Variants in AKNAD1 observed in about 807,000 individuals in gnomAD.
AKNAD1 encodes protein AKNAD1.
In AKNAD1, 67 loss-of-function variants were observed where a neutral mutation model predicts 90.8. That is an observed-to-expected ratio of 0.74 (90% CI 0.61 to 0.90). The LOEUF (loss-of-function observed/expected upper bound fraction) is 0.90. Ranked by LOEUF, AKNAD1 falls within the 40% of genes least tolerant of loss-of-function variation. The probability of loss-of-function intolerance (pLI) is 0.00; values close to 1 mark genes in which losing one functional copy is unlikely to be tolerated. For synonymous variants in AKNAD1, 327 were observed against 341.4 expected (o/e 0.96, Z 0.46); for missense variants, 957 against 975.4 (o/e 0.98, Z 0.25).
Position 108,852,714 on chromosome 1 carries a change from G to T in AKNAD1, c.-50C>A. 2 of 1,514,858 alleles carry T rather than the reference G, an allele frequency of 1.3e-6. No individual in the cohort carries two copies. The highest frequency in any genetic ancestry group is 1.8e-6 in the Non-Finnish European group (2 of 1,136,910). The allele number at this position is 1,514,858 out of a possible 1,614,324, so 93.8% of individuals were successfully genotyped here. On this transcript the variant is annotated 5_prime_UTR_variant, in exon 2 of 16. Transcript: ENST00000370001. ...TCCTCTGCCTCCTGAGCTGGCTGCTGTCAGTTGTAACAATAGCTCTGGTTC... is the reference window on the plus strand; with the variant it reads ...TCCTCTGCCTCCTGAGCTGGCTGCTTTCAGTTGTAACAATAGCTCTGGTTC...
intron 11 of AKNAD1, among the ~76,000 whole-genome samples, chr1:108,824,705 T>TTTTTG (rs1170012761): frequency 1.3e-5 from 2 of 151,610 alleles, no homozygotes; most frequent in East Asian, 2.0e-4. Context: ...TTCTGTGTTT[T>TTTTTG]TTTTGTTTTG....
chr1:108,830,541 G>GCCAC lies in AKNAD1; in HGVS notation c.1838+14_1838+17dup. On this transcript the variant is annotated intron_variant, in intron 10 of 15. Coordinates refer to ENST00000370001, the MANE Select transcript of AKNAD1 (RefSeq NM_152763.5). ...GACTCCAATCCACCCTGGGAATGTA[G>GCCAC]CCACAAGAAGCCCTCACCATTCAAG... The GCCAC allele has an allele frequency of 6.2e-7, 1 of 1,612,568 alleles. No individual in the cohort carries two copies. The highest frequency in any genetic ancestry group is 8.5e-7 in the Non-Finnish European group (1 of 1,179,022).
At chr1:108,818,528 C>T (rs536633008) in intron 14 of AKNAD1, among the ~76,000 whole-genome samples, 3 of 152,254 alleles carry the variant, frequency 2.0e-5, no homozygotes, top group South Asian at 4.1e-4. Flanking sequence ...TTATTATGAG[C>T]CTGGTACCAT....
chr1:108,852,658 C>T lies in AKNAD1; in HGVS notation c.7G>A (p.Glu3Lys), dbSNP rs138948369. Residue 3 changes from glutamate to lysine, a missense_variant, in exon 2 of 16, where the codon GAG (glutamate) becomes AAG (lysine). Physicochemically the swap from Glu to Lys is moderately conservative, Grantham distance 56. Coordinates refer to ENST00000370001, the MANE Select transcript of AKNAD1 (RefSeq NM_152763.5). MD[E>K]ADFSEHTTYK... ...GTCGTGTGTTCTGAAAAATCAGCCT[C>T]ATCCATGTGTGTGCAGCCCGATCGC... 669 of 1,576,882 alleles carry T rather than the reference C, an allele frequency of 4.2e-4. No individual in the cohort carries two copies. Among genetic ancestry groups the T allele is most frequent in the Non-Finnish European group, 5.5e-4 (639 of 1,163,458 alleles).
chr1:108,823,945 T>C (rs1479065706), intron 11 of AKNAD1, among the ~76,000 whole-genome samples: 1 of 152,206 alleles, frequency 6.6e-6, no homozygotes, highest in Non-Finnish European at 1.5e-5. Flanking sequence ...TTAGGCTTAG[T>C]AAAGGTCTGC....
At chr1:108,819,712 G>A (rs1056729815) in intron 14 of AKNAD1, among the ~76,000 whole-genome samples, 3 of 151,492 alleles carry the variant, frequency 2.0e-5, no homozygotes, top group African/African-American at 7.3e-5. Flanking sequence ...AGGAGTTTGA[G>A]ACTAGCCTGG....
At chr1:108,838,315 GATAGC>G (rs1034123405) in intron 6 of AKNAD1, among the ~76,000 whole-genome samples, 5 of 75,540 alleles carry the variant, frequency 6.6e-5, no homozygotes, top group African/African-American at 1.1e-4. Context: ...ACAACAAAAA[GATAGC>G]CCCCCCCCCA....
intron 2 of AKNAD1, among the ~76,000 whole-genome samples, chr1:108,850,359 A>G (rs1164005491): frequency 1.3e-5 from 2 of 152,176 alleles, no homozygotes; most frequent in East Asian, 3.9e-4. Flanking sequence ...TCGAACCCCC[A>G]TACCAGAGGG....
At position 108,816,035 on chromosome 1, in the gene AKNAD1, C is replaced by T; in HGVS notation, c.*136G>A. 1.2e-6 allele frequency: 1 copy of T among 867,550 alleles called. No homozygotes were observed. The highest frequency in any genetic ancestry group is 1.6e-6 in the Non-Finnish European group (1 of 615,068). The allele number at this position is 867,550 out of a possible 1,614,324, so 53.7% of individuals were successfully genotyped here. A position where few individuals can be genotyped will look rare whatever the true frequency, so the allele number is the denominator to read the frequency against. ...TTTTTCCTTTAAGTACTTTGTGTTA[C>T]CCATTTCTTATGGTTTCTGTGTTTT... On this transcript the variant is annotated 3_prime_UTR_variant, in exon 16 of 16. Transcript: ENST00000370001.
chr1:108,826,110 A>G (rs1663989157), intron 11 of AKNAD1, among the ~76,000 whole-genome samples: 1 of 151,736 alleles, frequency 6.6e-6, no homozygotes, highest in Admixed American at 6.6e-5. Context: ...ACTTTGTTAT[A>G]CCATCTGGCA....
rs143243588 is a variant in AKNAD1, at chr1:108,850,083, T to C, written c.994-507A>G. On this transcript the variant is annotated intron_variant, in intron 2 of 15. Transcript: ENST00000370001. Reference sequence around the variant, plus strand: ...ACTCTAGAGAATAACAGAGGATGCATTAAGTTCCAAACTGTGTGTCAAGAT... The same window carrying C: ...ACTCTAGAGAATAACAGAGGATGCACTAAGTTCCAAACTGTGTGTCAAGAT... Among the ~76,000 whole-genome samples the C allele has an allele frequency of 1.9e-3, 292 of 152,276 alleles. 1 individual carries two copies. The highest frequency in any genetic ancestry group is 6.5e-3 in the African/African-American group (271 of 41,570).
chr1:108,842,074 C>G (rs1664571256), intron 6 of AKNAD1, among the ~76,000 whole-genome samples: 1 of 152,066 alleles, frequency 6.6e-6, no homozygotes, highest in Admixed American at 6.6e-5. Context: ...ATAGCAGAAG[C>G]ATGCAGAGTT....
In AKNAD1 at chr1:108,843,211, G is replaced by C; in HGVS notation, c.1302C>G (p.Thr434=). The C allele has an allele frequency of 6.2e-7, 1 of 1,614,156 alleles. No homozygotes were observed. Among genetic ancestry groups the C allele is most frequent in the Non-Finnish European group, 8.5e-7 (1 of 1,180,028 alleles). The part of the protein sequence containing the change: ...LELLEQNFLA[T]KDKHLTLQQQ... ...GCTGCAAAGTCAGATGCTTGTCCTT[G>C]GTGGCCAGAAAGTTCTGCTCCAGCA... Residue 434 remains threonine (T), a synonymous_variant, in exon 6 of 16, where the codon ACC becomes ACG. Coordinates refer to ENST00000370001, the MANE Select transcript of AKNAD1 (RefSeq NM_152763.5).
intron 13 of AKNAD1, 197 bp downstream of exon 13, chr1:108,823,173 C>T (rs1224292326): frequency 1.4e-6 from 1 of 719,922 alleles, no homozygotes; most frequent in South Asian, 1.5e-5. Context: ...TTCATATTTT[C>T]CAGCCCCAGC....
Position 108,849,000 on chromosome 1 carries a change from G to A in AKNAD1, c.1094C>T (p.Ser365Leu), listed in dbSNP as rs1428002760. Residue 365 changes from serine to leucine, a missense_variant, in exon 4 of 16, where the codon TCA (serine) becomes TTA (leucine). Physicochemically the swap from Ser to Leu is moderately radical, Grantham distance 145. Transcript: ENST00000370001. ...CTTTTGAAATATGTAAGAAGAACTT[G>A]AGGAAGTGCCTTTCTGAGAGGTTGG... ...LSPTSQKGTS[S>L]SSSYIFQKIS... 5.0e-6 allele frequency: 8 copies of A among 1,611,482 alleles called. No individual in the cohort carries two copies. Among genetic ancestry groups the A allele is most frequent in the Middle Eastern group, 1.7e-4 (1 of 6,052 alleles).
At chr1:108,822,629 G>A (rs999016184) in intron 13 of AKNAD1, among the ~76,000 whole-genome samples, 3 of 152,104 alleles carry the variant, frequency 2.0e-5, no homozygotes, top group African/African-American at 4.8e-5. Flanking sequence ...CATTCTCCCT[G>A]GTGCCCTCTC....
intron 5 of AKNAD1, among the ~76,000 whole-genome samples, chr1:108,843,824 T>C (rs1664623819): frequency 6.6e-6 from 1 of 152,176 alleles, no homozygotes; most frequent in East Asian, 1.9e-4. Flanking sequence ...TAGCCAAAGC[T>C]GTGAATGGGT....
intron 5 of AKNAD1, among the ~76,000 whole-genome samples, chr1:108,848,551 C>T (rs1214416140): frequency 1.3e-5 from 2 of 151,998 alleles, no homozygotes; most frequent in African/African-American, 4.8e-5. Flanking sequence ...TAATAGATCC[C>T]CTGAGAAGGA....
intron 6 of AKNAD1, among the ~76,000 whole-genome samples, chr1:108,841,904 T>A (rs1357558979): frequency 6.6e-6 from 1 of 152,182 alleles, no homozygotes; most frequent in Non-Finnish European, 1.5e-5. Flanking sequence ...TTGAAGCTCT[T>A]TTTATTTATA....
Sources: gnomAD v4.1 joint callset for allele counts (sites outside exome capture counted in the v4.1 genomes callset) on GRCh38, gnomAD v4.1.1 for gene constraint, MANE v1.5 for transcripts, NCBI Gene and HGNC (gene_info 2026-07-23, HGNC 2026-07-21) for gene names.